The following ADAM10 variants were observed in gnomAD, a reference collection of about 807,000 sequenced individuals.
ADAM10 encodes the protein ADAM metallopeptidase domain 10.
Under a neutral mutation model 90.1 loss-of-function variants are expected in ADAM10, and 17 were observed. The observed-to-expected ratio is 0.19, with a 90% confidence interval of 0.13 to 0.28. ADAM10 has a LOEUF of 0.28. ADAM10 is among the 10% of genes least tolerant of loss of function. ADAM10 has a pLI of 1.00. For missense variants in ADAM10, 610 were observed against 914.3 expected (o/e 0.67, Z 4.29); for synonymous variants, 310 against 298.6 (o/e 1.04, Z -0.40).
chr15:58,749,179 G>T (rs1899892659), intron 1 of ADAM10: 4 of 404,526 alleles, frequency 9.9e-6, no homozygotes. Flanking sequence ...CTCACCAGGC[G>T]ACGCGGATGC....
At chr15:58,715,371 G>T (rs747704256) in intron 2 of ADAM10, among the ~76,000 whole-genome samples, 3 of 147,928 alleles carry the variant, frequency 2.0e-5, no homozygotes, top group African/African-American at 7.5e-5. Flanking sequence ...GCCAAGAGAG[G>T]ATCATTACAC....
chr15:58,605,169 T>C (rs1895234999), intron 14 of ADAM10, among the ~76,000 whole-genome samples: 1 of 152,204 alleles, frequency 6.6e-6, no homozygotes, highest in Non-Finnish European at 1.5e-5. Flanking sequence ...CTAGTCGCAG[T>C]TTAGATCAAC....
At chr15:58,613,171 G>A (rs1166860380) in intron 11 of ADAM10, among the ~76,000 whole-genome samples, 2 of 152,168 alleles carry the variant, frequency 1.3e-5, no homozygotes, top group African/African-American at 4.8e-5. Context: ...GACCACTGAG[G>A]TGCCTACAGT....
intron 4 of ADAM10, among the ~76,000 whole-genome samples, chr15:58,675,492 C>A (rs1327352886): frequency 6.6e-6 from 1 of 152,120 alleles, no homozygotes; most frequent in Non-Finnish European, 1.5e-5. Context: ...GTTTATGGAA[C>A]AATGTTTTTC....
At chr15:58,636,282 A>C (rs1265216348) in intron 8 of ADAM10, among the ~76,000 whole-genome samples, 1 of 152,038 alleles carries the variant, frequency 6.6e-6, no homozygotes, top group Non-Finnish European at 1.5e-5. Context: ...GTTTCAAAAA[A>C]AAAAAAAAAG....
At chr15:58,604,421 T>C (rs1895210212) in intron 14 of ADAM10, among the ~76,000 whole-genome samples, 2 of 152,314 alleles carry the variant, frequency 1.3e-5, no homozygotes, top group South Asian at 4.1e-4. Flanking sequence ...CTTTTCCTAA[T>C]AGGTTCTCCC....
intron 5 of ADAM10, among the ~76,000 whole-genome samples, chr15:58,663,984 C>A (rs1897024146): frequency 6.6e-6 from 1 of 152,054 alleles, no homozygotes; most frequent in South Asian, 2.1e-4. Context: ...TTAGTACAGG[C>A]CACTATCACT....
chr15:58,646,248 A>G (rs199931245), intron 5 of ADAM10, 44 bp from the exon 6 acceptor site: 39 of 1,570,470 alleles, frequency 2.5e-5, no homozygotes, highest in East Asian at 2.5e-4. Flanking sequence ...ATGCTTCAAT[A>G]CTATCATTTT....
At chr15:58,686,347 C>T (rs1897601103) in intron 2 of ADAM10, 2 of 698,242 alleles carry the variant, frequency 2.9e-6, no homozygotes, top group South Asian at 3.4e-5. Context: ...ATAAAGGCTA[C>T]TTCAAACCTA....
chr15:58,741,797 C>G (rs565849982), intron 1 of ADAM10, among the ~76,000 whole-genome samples: 1 of 152,158 alleles, frequency 6.6e-6, no homozygotes, highest in African/African-American at 2.4e-5. Context: ...CAATCATAAC[C>G]TAACTCCTCA....
intron 9 of ADAM10, among the ~76,000 whole-genome samples, chr15:58,632,627 G>A (rs1218535919): frequency 6.6e-6 from 1 of 152,098 alleles, no homozygotes; most frequent in Non-Finnish European, 1.5e-5. Context: ...GGCGTATAAC[G>A]CTTTGTTGCA....
chr15:58,610,532 C>G lies in ADAM10; in HGVS notation c.1805-15G>C. On this transcript the variant is annotated splice_polypyrimidine_tract_variant and intron_variant, in intron 13 of 15. Coordinates refer to ENST00000260408, the MANE Select transcript of ADAM10 (RefSeq NM_001110.4). The stretch of plus-strand genomic sequence containing the variant: ...TGATGGGTCCACTGGAAAAGAAATG[C>G]CAAATATAAGCTGAAGGTCAGATTC... The G allele has an allele frequency of 6.2e-7, 1 of 1,608,020 alleles. No homozygotes were observed. The highest frequency in any genetic ancestry group is 8.5e-7 in the Non-Finnish European group (1 of 1,174,700).
intron 4 of ADAM10, among the ~76,000 whole-genome samples, chr15:58,667,127 C>T (rs1897097960): frequency 6.6e-6 from 1 of 152,132 alleles, no homozygotes; most frequent in African/African-American, 2.4e-5. Flanking sequence ...GGCCAAACAG[C>T]ATATTCTTTC....
At chr15:58,680,193 G>A (rs1221276768) in intron 3 of ADAM10, among the ~76,000 whole-genome samples, 2 of 152,114 alleles carry the variant, frequency 1.3e-5, no homozygotes, top group African/African-American at 2.4e-5. Flanking sequence ...CGAGCTCATG[G>A]CTCTGTGCAG....
rs115726812 is a variant in ADAM10, at chr15:58,727,711, G to A, written c.56-9984C>T. ...AGATGAGTTAAAGTAAAAAGGACGG[G>A]AAAATATATAACATCCAAACCCTAA... is the stretch of plus-strand genomic sequence containing the variant. On this transcript the variant is annotated intron_variant, in intron 1 of 15. Transcript: ENST00000260408. Among the ~76,000 whole-genome samples, 890 of 152,176 alleles carry A rather than the reference G, an allele frequency of 5.8e-3. 7 individuals are homozygous for A. Among genetic ancestry groups the A allele is most frequent in the African/African-American group, 0.021 (857 of 41,518 alleles).
chr15:58,736,146 T>C (rs1416086562), intron 1 of ADAM10, among the ~76,000 whole-genome samples: 1 of 152,158 alleles, frequency 6.6e-6, no homozygotes, highest in Non-Finnish European at 1.5e-5. Flanking sequence ...CTTATTAACA[T>C]CTTCACCAGA....
intron 11 of ADAM10, 45 bp downstream of exon 11, chr15:58,621,426 G>C (rs960963942): frequency 2.5e-6 from 4 of 1,610,516 alleles, no homozygotes; most frequent in Admixed American, 1.7e-5. Context: ...ACTGCATTGA[G>C]GTAACTTTAC....
chr15:58,720,525 C>T (rs770270276), intron 1 of ADAM10, among the ~76,000 whole-genome samples: 1 of 151,980 alleles, frequency 6.6e-6, no homozygotes, highest in Non-Finnish European at 1.5e-5. Flanking sequence ...CTCAGCCTCC[C>T]GAGTAACTGG....
chr15:58,729,999 CA>C (rs1167269174), intron 1 of ADAM10, among the ~76,000 whole-genome samples: 3 of 126,850 alleles, frequency 2.4e-5, no homozygotes, highest in Non-Finnish European at 4.9e-5. Context: ...AACAAACAAA[CA>C]AACAAAAAAA....
Sources: gnomAD v4.1 joint callset for allele counts (sites outside exome capture counted in the v4.1 genomes callset) on GRCh38, gnomAD v4.1.1 for gene constraint, MANE v1.5 for transcripts, NCBI Gene and HGNC (gene_info 2026-07-23, HGNC 2026-07-21) for gene names.